The following PPM1A variants were observed in gnomAD, a reference collection of about 807,000 sequenced individuals.
PPM1A encodes the protein protein phosphatase, Mg2+/Mn2+ dependent 1A, also known as protein phosphatase 1A.
Under a neutral mutation model 35.0 loss-of-function variants are expected in PPM1A, and 7 were observed. The observed-to-expected ratio is 0.20, with a 90% confidence interval of 0.11 to 0.38. The LOEUF (loss-of-function observed/expected upper bound fraction) is 0.38, where lower values mean the gene tolerates loss of function less well. Ranked by LOEUF, PPM1A falls within the 10% of genes least tolerant of loss-of-function variation. The pLI, the probability that PPM1A is intolerant of heterozygous loss-of-function variation, is 1.00. For synonymous variants in PPM1A, 153 were observed against 167.3 expected (o/e 0.91, Z 0.66); for missense variants, 239 against 467.8 (o/e 0.51, Z 4.51).
chr14:60,246,615 ATCCT>A (rs1881800225), upstream of PPM1A, among the ~76,000 whole-genome samples: 1 of 152,148 alleles, frequency 6.6e-6, no homozygotes, highest in South Asian at 2.1e-4. Context: ...AGAACTTTCA[ATCCT>A]CTTTTTTCAA....
At position 60,273,357 on chromosome 14, in the gene PPM1A, A is replaced by G. The variant is rs955619984; in HGVS notation, c.-20-9327A>G. Among the ~76,000 whole-genome samples, 3 of 151,968 alleles carry G rather than the reference A, an allele frequency of 2.0e-5. No individual in the cohort carries two copies. The highest frequency in any genetic ancestry group is 7.3e-5 in the African/African-American group (3 of 41,318). ...TAGGGAAAGTAGCATTTGTTTATAT[A>G]TTTGGAGGAAGGAAGTATGATGAGT... is the stretch of plus-strand genomic sequence containing the variant. On this transcript the variant is annotated intron_variant, in intron 1 of 5. Transcript: ENST00000395076. The surrounding 1 kb of genome is among the most constrained non-coding windows in gnomAD (Gnocchi z 4.3).
chr14:60,249,294 C>T lies in PPM1A; in HGVS notation c.-404C>T, dbSNP rs1214644411. 2 of 972,260 alleles carry T rather than the reference C, an allele frequency of 2.1e-6. No homozygotes were observed. Among genetic ancestry groups the T allele is most frequent in the Admixed American group, 6.9e-5 (1 of 14,420 alleles). The allele number at this position is 972,260 out of a possible 1,614,324, so 60.2% of individuals were successfully genotyped here. A position where few individuals can be genotyped will look rare whatever the true frequency, so the allele number is the denominator to read the frequency against. ...GGGAGCTAGAGAGCAGTGGTCTCGG[C>T]GCTCGTCCGGCCCGCAGCTTCGGGT... On this transcript the variant is annotated 5_prime_UTR_variant, in exon 1 of 6. Transcript: ENST00000395076. This position sits in a 1 kb window ranked among gnomAD's most constrained non-coding sequence, Gnocchi z 4.5.
At chr14:60,250,010 C>G (rs1223308611) in intron 1 of PPM1A, among the ~76,000 whole-genome samples, 5 of 151,432 alleles carry the variant, frequency 3.3e-5, no homozygotes, top group Admixed American at 6.6e-5. Context: ...CCGGCCTGGC[C>G]GGAGAGCGGC....
intron 1 of PPM1A, among the ~76,000 whole-genome samples, chr14:60,256,357 C>T (rs970608040): frequency 2.6e-5 from 4 of 152,084 alleles, no homozygotes; most frequent in East Asian, 1.9e-4. Flanking sequence ...TGCTTGAACC[C>T]GGGAGGCACA....
At chr14:60,288,349 A>C in intron 3 of PPM1A, 1 of 973,716 alleles carries the variant, frequency 1.0e-6, no homozygotes, top group Non-Finnish European at 1.2e-6. Flanking sequence ...GTTTATTTCT[A>C]TTGTATCTAG....
Position 60,269,853 on chromosome 14 carries a change from G to A in PPM1A, c.-20-12831G>A, listed in dbSNP as rs528088613. 1.3e-4 allele frequency among the ~76,000 whole-genome samples: 20 copies of A among 152,212 alleles called. No homozygotes were observed. The South Asian group carries it at 3.9e-3, about 30-fold the overall frequency. Reference sequence around the variant, plus strand: ...CGTGAGCCATCGTGCCCAGCCGATGGCATGTTTATTTTGTCTGAATTGTAT... The same window carrying A: ...CGTGAGCCATCGTGCCCAGCCGATGACATGTTTATTTTGTCTGAATTGTAT... On this transcript the variant is annotated intron_variant, in intron 1 of 5. Coordinates refer to ENST00000395076, the MANE Select transcript of PPM1A (RefSeq NM_021003.5).
At position 60,288,024 on chromosome 14, in the gene PPM1A, A is replaced by G. The variant is rs898912506; in HGVS notation, c.953-1782A>G. 21 of 980,408 alleles carry G rather than the reference A, an allele frequency of 2.1e-5. No individual in the cohort carries two copies. The East Asian group carries it at 9.1e-4, about 42-fold the overall frequency. The allele number at this position is 980,408 out of a possible 1,614,324, so 60.7% of individuals were successfully genotyped here. On this transcript the variant is annotated intron_variant, in intron 3 of 5. Coordinates refer to ENST00000395076, the MANE Select transcript of PPM1A (RefSeq NM_021003.5). ...CTTTTTACAATTCTAAGTAAAACGT[A>G]TAGGTCAACAGAAATTAAAGGAATA... is the stretch of plus-strand genomic sequence containing the variant.
chr14:60,268,289 C>G (rs1361208688), intron 1 of PPM1A: 1 of 983,474 alleles, frequency 1.0e-6, no homozygotes. Context: ...TCATATTGTT[C>G]CAGGTTTCTG....
chr14:60,286,592 C>G (rs138571709), intron 3 of PPM1A: 2 of 985,136 alleles, frequency 2.0e-6, no homozygotes, highest in African/African-American at 3.5e-5. Flanking sequence ...TTAATTTGCA[C>G]GTTAAAGACC....
At position 60,292,649 on chromosome 14, in the gene PPM1A, A is replaced by ATT. The variant is rs201235752; in HGVS notation, c.*183_*184dup. ...CAGTACAACAGCTAGCCCAGAACTG[A>ATT]TTTTTTTTTTTTTTTTTGTAAATTT... is the stretch of plus-strand genomic sequence containing the variant. On this transcript the variant is annotated 3_prime_UTR_variant, in exon 6 of 6. Transcript: ENST00000395076. This position sits in a 1 kb window ranked among gnomAD's most constrained non-coding sequence, Gnocchi z 4.2. 3,485 of 342,974 alleles carry ATT rather than the reference A, an allele frequency of 0.01. 40 individuals are homozygous for ATT. The highest frequency in any genetic ancestry group is 0.04 in the African/African-American group (1,748 of 43,848). The allele number at this position is 342,974 out of a possible 1,614,324, so 21.2% of individuals were successfully genotyped here.
chr14:60,252,780 C>G (rs1471327699), intron 1 of PPM1A, among the ~76,000 whole-genome samples: 1 of 152,154 alleles, frequency 6.6e-6, no homozygotes, highest in South Asian at 2.1e-4. Flanking sequence ...TTCACTCTTT[C>G]AAATGTCTTA....
At chr14:60,252,874 C>T (rs1183089341) in intron 1 of PPM1A, among the ~76,000 whole-genome samples, 1 of 152,134 alleles carries the variant, frequency 6.6e-6, no homozygotes, top group Non-Finnish European at 1.5e-5. Flanking sequence ...TTTGAATGTC[C>T]TGGCTATCCA....
At chr14:60,266,871 G>C (rs1420058622) in intron 1 of PPM1A, among the ~76,000 whole-genome samples, 2 of 152,112 alleles carry the variant, frequency 1.3e-5, no homozygotes, top group South Asian at 4.1e-4. Context: ...ATTAAATAAA[G>C]GGAGGATAAC....
Position 60,283,595 on chromosome 14 carries a change from T to A in PPM1A, c.834+58T>A, listed in dbSNP as rs1004054298. ...TTTTATGCCATATTAATCACTACTC[T>A]AGTATTTAATCATCTTAGAATCTGT... On this transcript the variant is annotated intron_variant, in intron 2 of 5. Transcript: ENST00000395076. This position sits in a 1 kb window ranked among gnomAD's most constrained non-coding sequence, Gnocchi z 6.3. 1.3e-5 allele frequency: 20 copies of A among 1,483,488 alleles called. No homozygotes were observed. Among genetic ancestry groups the A allele is most frequent in the Non-Finnish European group, 1.8e-5 (20 of 1,107,194 alleles). 91.9% of individuals were successfully genotyped at this position (1,483,488 alleles called of 1,614,324 possible).
intron 1 of PPM1A, among the ~76,000 whole-genome samples, chr14:60,276,411 C>T (rs1378670809): frequency 6.6e-6 from 1 of 152,048 alleles, no homozygotes; most frequent in Non-Finnish European, 1.5e-5. Context: ...ATTTTTCTCC[C>T]AAATGTTTAA....
At chr14:60,264,545 C>A (rs1884153056) in intron 1 of PPM1A, among the ~76,000 whole-genome samples, 1 of 152,178 alleles carries the variant, frequency 6.6e-6, no homozygotes, top group Non-Finnish European at 1.5e-5. Flanking sequence ...ATATTCTAAA[C>A]ACATTTCTAT....
intron 1 of PPM1A, chr14:60,250,312 C>T (rs755679198): frequency 1.6e-5 from 7 of 434,664 alleles, no homozygotes; most frequent in Non-Finnish European, 2.1e-5. Flanking sequence ...ATCCTTTTAA[C>T]TACGTAAATC....
chr14:60,246,011 T>C, upstream of PPM1A: 2 of 1,582,108 alleles, frequency 1.3e-6, no homozygotes, highest in African/African-American at 1.4e-5. Flanking sequence ...GGAAACCAAA[T>C]GAAGAGGATG....
chr14:60,263,248 T>C lies in PPM1A; in HGVS notation c.-21+13571T>C, dbSNP rs114226361. On this transcript the variant is annotated intron_variant, in intron 1 of 5. Transcript: ENST00000395076. ...AAAAGTTCCTGGGCTTCAAGGGCAC[T>C]CTAATGTGCACATCTTAAATTCTTA... 8.4e-3 allele frequency among the ~76,000 whole-genome samples: 1,281 copies of C among 152,184 alleles called. 21 individuals carry two copies. The highest frequency in any genetic ancestry group is 0.034 in the East Asian group (176 of 5,182).
Sources: gnomAD v4.1 joint callset for allele counts (sites outside exome capture counted in the v4.1 genomes callset) on GRCh38, gnomAD v4.1.1 for gene constraint, Gnocchi (gnomAD v3.1) non-coding constraint, MANE v1.5 for transcripts, NCBI Gene and HGNC (gene_info 2026-07-23, HGNC 2026-07-21) for gene names.